The following RNLS variants were observed in gnomAD, a reference collection of about 807,000 sequenced individuals.
RNLS encodes renalase, FAD dependent amine oxidase, also known as renalase.
A neutral mutation model predicts 39.8 loss-of-function variants in RNLS; 39 were observed. The observed-to-expected ratio is 0.98, with a 90% confidence interval of 0.76 to 1.28. The LOEUF (loss-of-function observed/expected upper bound fraction) is 1.28. Among genes scored for constraint, RNLS ranks in the 50% most tolerant of loss-of-function variants. The pLI, the probability that RNLS is intolerant of heterozygous loss-of-function variation, is 0.00. For synonymous variants in RNLS, 147 were observed against 150.7 expected (o/e 0.98, Z 0.18); for missense variants, 410 against 413.3 (o/e 0.99, Z 0.07).
intron 5 of RNLS, among the ~76,000 whole-genome samples, chr10:88,320,048 G>T (rs1846062289): frequency 6.6e-6 from 1 of 151,680 alleles, no homozygotes; most frequent in Admixed American, 6.6e-5. Context: ...GAAAAAAAGG[G>T]ATAAATTACC....
At chr10:88,553,200 G>A (rs1848682787) in intron 4 of RNLS, among the ~76,000 whole-genome samples, 1 of 152,148 alleles carries the variant, frequency 6.6e-6, no homozygotes, top group African/African-American at 2.4e-5. Flanking sequence ...CCAGAAAACT[G>A]CCTATTCATT....
chr10:88,209,624 G>A, the RNLS span, among the ~76,000 whole-genome samples: 6 of 152,288 alleles, frequency 3.9e-5, no homozygotes, highest in African/African-American at 1.4e-4. Flanking sequence ...GTGATACTTT[G>A]TAATGACAGT....
chr10:88,217,738 G>GAA, the RNLS span, among the ~76,000 whole-genome samples: 713 of 97,594 alleles, frequency 7.3e-3, 36 homozygotes, highest in East Asian at 0.06. Flanking sequence ...GCCTTCAAAT[G>GAA]AAAAAAAAAA....
chr10:88,533,928 G>A (rs1485784815), intron 4 of RNLS, among the ~76,000 whole-genome samples: 2 of 152,044 alleles, frequency 1.3e-5, no homozygotes, highest in African/African-American at 4.8e-5. Context: ...GCTAATGAAG[G>A]GAGCAACGAA....
the RNLS span, among the ~76,000 whole-genome samples, chr10:88,211,234 G>C: frequency 6.6e-6 from 1 of 152,098 alleles, no homozygotes; most frequent in African/African-American, 2.4e-5. Flanking sequence ...TTCTTGGCCT[G>C]TCATTCAAGG....
At chr10:88,437,231 G>C (rs1841462424) in intron 4 of RNLS, among the ~76,000 whole-genome samples, 1 of 152,206 alleles carries the variant, frequency 6.6e-6, no homozygotes, top group Admixed American at 6.5e-5. Context: ...TCTGCTTGAA[G>C]AGAGAAGGCG....
intron 4 of RNLS, among the ~76,000 whole-genome samples, chr10:88,494,176 T>C (rs2054153478): frequency 3.3e-5 from 5 of 152,126 alleles, no homozygotes; most frequent in Admixed American, 6.6e-5. Flanking sequence ...TGAACAGCAC[T>C]GTAATTAGCT....
intron 4 of RNLS, among the ~76,000 whole-genome samples, chr10:88,545,980 T>G (rs1327417534): frequency 6.6e-6 from 1 of 152,056 alleles, no homozygotes; most frequent in Non-Finnish European, 1.5e-5. Context: ...TAAATAATTA[T>G]TAAATTAAAA....
chr10:88,469,047 G>C (rs1843367785), intron 4 of RNLS, among the ~76,000 whole-genome samples: 1 of 152,114 alleles, frequency 6.6e-6, no homozygotes, highest in South Asian at 2.1e-4. Flanking sequence ...AAAAATGTGA[G>C]AGTGGATATA....
chr10:88,179,646 T>C, the RNLS span, among the ~76,000 whole-genome samples: 2 of 152,204 alleles, frequency 1.3e-5, no homozygotes, highest in African/African-American at 2.4e-5. Context: ...TACAGTCACA[T>C]AGAGATTAAA....
At position 88,583,063 on chromosome 10, in the gene RNLS, G is replaced by A. The variant is rs771638398; in HGVS notation, c.118+10C>T. ...CTCTTTTCCCAGGTTTTGGCGTTTA[G>A]ACAACCCACCTGAGTCCTCAGCCTT... On this transcript the variant is annotated intron_variant, in intron 1 of 6. Transcript: ENST00000331772. 1.2e-6 allele frequency: 2 copies of A among 1,608,554 alleles called. No individual in the cohort carries two copies. The highest frequency in any genetic ancestry group is 2.2e-5 in the East Asian group (1 of 44,552).
intron 5 of RNLS, among the ~76,000 whole-genome samples, chr10:88,321,884 A>AAGCC (rs1026239686): frequency 1.3e-5 from 2 of 152,214 alleles, no homozygotes; most frequent in Non-Finnish European, 2.9e-5. Context: ...ACTTACAAAG[A>AAGCC]AGCTGGTACC....
intron 6 of RNLS, among the ~76,000 whole-genome samples, chr10:88,292,335 T>C (rs116227691): frequency 6.6e-6 from 1 of 151,826 alleles, no homozygotes; most frequent in African/African-American, 2.4e-5. Context: ...CTAAAGAGCT[T>C]AACATGGTAG....
intron 4 of RNLS, among the ~76,000 whole-genome samples, chr10:88,456,594 C>T (rs1454674284): frequency 1.3e-5 from 2 of 152,064 alleles, no homozygotes; most frequent in Admixed American, 6.5e-5. Flanking sequence ...CAGGTAGGGC[C>T]GCCCACTATA....
At chr10:88,582,174 T>A in intron 2 of RNLS, 28 bp downstream of exon 2, 1 of 1,543,554 alleles carries the variant, frequency 6.5e-7, no homozygotes, top group East Asian at 2.2e-5. Context: ...ACTGCTAAGA[T>A]TGATTCCACT....
At chr10:88,265,996 G>C in the RNLS span, among the ~76,000 whole-genome samples, 7 of 152,154 alleles carry the variant, frequency 4.6e-5, no homozygotes, top group Admixed American at 3.3e-4. Flanking sequence ...GCTCACATTA[G>C]AGAAATTCAC....
chr10:88,301,322 TAAACTG>T (rs1281482877), intron 6 of RNLS, among the ~76,000 whole-genome samples: 4 of 152,210 alleles, frequency 2.6e-5, no homozygotes, highest in Admixed American at 2.6e-4. Context: ...TACCTCATAA[TAAACTG>T]AAACAAGTGG....
chr10:88,267,958 T>C, the RNLS span, among the ~76,000 whole-genome samples: 4 of 152,196 alleles, frequency 2.6e-5, no homozygotes, highest in Non-Finnish European at 5.9e-5. Context: ...TACAGCCTTA[T>C]AGGGGAGAAA....
At chr10:88,196,898 A>T in the RNLS span, among the ~76,000 whole-genome samples, 2 of 152,228 alleles carry the variant, frequency 1.3e-5, no homozygotes, top group African/African-American at 4.8e-5. Flanking sequence ...GTTTTGGGGC[A>T]AATGGAGAAT....
Sources: allele counts gnomAD v4.1 joint callset (sites outside exome capture counted in the v4.1 genomes callset), GRCh38; gene constraint gnomAD v4.1.1; transcripts MANE v1.5; gene names NCBI Gene and HGNC (gene_info 2026-07-23, HGNC 2026-07-21).